Variants in PLCB1 observed in about 807,000 individuals in gnomAD.
PLCB1 encodes 1-phosphatidylinositol 4,5-bisphosphate phosphodiesterase beta-1.
PLCB1 carries 46 observed loss-of-function variants against 161.8 expected under a neutral mutation model. The observed-to-expected ratio is 0.28, with a 90% CI of 0.22 to 0.36. The LOEUF (loss-of-function observed/expected upper bound fraction) is 0.36. Ranked by LOEUF, PLCB1 falls within the 10% of genes least tolerant of loss-of-function variation. The pLI, the probability that PLCB1 is intolerant of heterozygous loss-of-function variation, is 1.00. For missense variants in PLCB1, 1,016 were observed against 1,472.5 expected, an observed-to-expected ratio of 0.69 and a Z score of 5.07; for synonymous variants, 517 against 503.7, an observed-to-expected ratio of 1.03 and a Z score of -0.35.
chr20:8,188,750 A>G (rs1266572682), intron 2 of PLCB1, among the ~76,000 whole-genome samples: 2 of 152,136 alleles, frequency 1.3e-5, no homozygotes, highest in Non-Finnish European at 2.9e-5. Flanking sequence ...TTCTTAGCCA[A>G]TTTTGTTAGG....
chr20:8,623,898 A>C (rs992660185), intron 3 of PLCB1: 2 of 150,378 alleles, frequency 1.3e-5, no homozygotes, highest in African/African-American at 2.4e-5. Context: ...CATATATAAA[A>C]GAAAGAAACC....
chr20:8,217,621 A>G (rs894415486), intron 2 of PLCB1, among the ~76,000 whole-genome samples: 1 of 152,178 alleles, frequency 6.6e-6, no homozygotes, highest in African/African-American at 2.4e-5. Context: ...AGGATGATGC[A>G]TAGAGCTGAA....
chr20:8,461,894 A>T (rs1981593546), intron 3 of PLCB1, among the ~76,000 whole-genome samples: 1 of 152,030 alleles, frequency 6.6e-6, no homozygotes, highest in African/African-American at 2.4e-5. Flanking sequence ...AAATTTCATA[A>T]CTCTATCTCA....
intron 31 of PLCB1, among the ~76,000 whole-genome samples, chr20:8,833,744 C>T (rs1298101716): frequency 6.6e-6 from 1 of 152,178 alleles, no homozygotes; most frequent in African/African-American, 2.4e-5. Context: ...TTGTTTTAAG[C>T]CACTCAATTT....
chr20:8,621,104 C>T (rs1056257963), intron 3 of PLCB1, among the ~76,000 whole-genome samples: 5 of 152,094 alleles, frequency 3.3e-5, no homozygotes, highest in South Asian at 2.1e-4. Flanking sequence ...AACAAACAGG[C>T]GTCATTATGA....
At chr20:8,468,946 G>A (rs991367379) in intron 3 of PLCB1, among the ~76,000 whole-genome samples, 5 of 152,038 alleles carry the variant, frequency 3.3e-5, no homozygotes, top group Admixed American at 1.3e-4. Context: ...TCTTCAAACG[G>A]AAGGGTACAT....
chr20:8,278,203 G>A (rs952067264), intron 2 of PLCB1, among the ~76,000 whole-genome samples: 2 of 116,430 alleles, frequency 1.7e-5, no homozygotes, highest in African/African-American at 7.0e-5. Context: ...ACAAAAGCAA[G>A]GTGCAGAAAA....
At chr20:8,189,348 A>G (rs1237629035) in intron 2 of PLCB1, among the ~76,000 whole-genome samples, 1 of 140,682 alleles carries the variant, frequency 7.1e-6, no homozygotes, top group African/African-American at 2.6e-5. Flanking sequence ...TATAAAACAT[A>G]ATATCATGTT....
chr20:8,797,018 T>C (rs1252301618), intron 31 of PLCB1, among the ~76,000 whole-genome samples: 1 of 152,174 alleles, frequency 6.6e-6, no homozygotes, highest in Non-Finnish European at 1.5e-5. Context: ...TGTGCAGAAA[T>C]GTCTTTGTTT....
chr20:8,577,652 TA>T (rs1370149923), intron 3 of PLCB1, among the ~76,000 whole-genome samples: 1 of 152,178 alleles, frequency 6.6e-6, no homozygotes, highest in African/African-American at 2.4e-5. Flanking sequence ...AAACATGTTT[TA>T]AAATAAATTT....
intron 2 of PLCB1, among the ~76,000 whole-genome samples, chr20:8,264,249 C>T (rs1981842738): frequency 6.6e-6 from 1 of 152,082 alleles, no homozygotes; most frequent in Non-Finnish European, 1.5e-5. Context: ...CTTCCACTTC[C>T]ACATCTTGTC....
intron 3 of PLCB1, 172 bp downstream of exon 3, chr20:8,371,622 A>G (rs1986906225): frequency 4.1e-6 from 2 of 487,506 alleles, no homozygotes; most frequent in South Asian, 7.7e-5. Flanking sequence ...AACAATGAAC[A>G]AATATGTGGG....
intron 3 of PLCB1, among the ~76,000 whole-genome samples, chr20:8,430,119 G>T (rs1258871231): frequency 2.0e-5 from 3 of 151,976 alleles, no homozygotes; most frequent in Non-Finnish European, 4.4e-5. Context: ...TTTACACTGT[G>T]ACTGGGTGTG....
Position 8,700,378 on chromosome 20 carries a change from T to C in PLCB1, c.1167+2595T>C, listed in dbSNP as rs534182302. 6.5e-4 allele frequency among the ~76,000 whole-genome samples: 99 copies of C among 152,350 alleles called. No homozygotes were observed. In the Middle Eastern group the frequency reaches 0.014, roughly 21 times the overall value. On this transcript the variant is annotated intron_variant, in intron 11 of 31. Transcript: ENST00000338037. Reference sequence around the variant, plus strand: ...AAGCACATCCTAAGGCATATTTATTTTATGTGGAGCATTTGCTTCTTGGCC... The same window carrying C: ...AAGCACATCCTAAGGCATATTTATTCTATGTGGAGCATTTGCTTCTTGGCC...
At chr20:8,579,327 G>A (rs181384262) in intron 3 of PLCB1, among the ~76,000 whole-genome samples, 1 of 152,332 alleles carries the variant, frequency 6.6e-6, no homozygotes, top group Admixed American at 6.5e-5. Flanking sequence ...GGCTAGAGCT[G>A]AGTATCCACA....
At chr20:8,689,627 A>C in intron 10 of PLCB1, among the ~76,000 whole-genome samples, 1 of 152,146 alleles carries the variant, frequency 6.6e-6, no homozygotes, top group East Asian at 1.9e-4. Flanking sequence ...GTATTAAGAA[A>C]ATTTTCAATA....
At chr20:8,744,666 A>AATAAAATAAAAT (rs1432172231) in intron 23 of PLCB1, among the ~76,000 whole-genome samples, 7 of 150,020 alleles carry the variant, frequency 4.7e-5, no homozygotes, top group African/African-American at 1.8e-4. Context: ...AAAAAAATAA[A>AATAAAATAAAAT]ATTGTTTGTA....
intron 26 of PLCB1, among the ~76,000 whole-genome samples, chr20:8,774,245 T>C (rs757589622): frequency 2.1e-5 from 3 of 140,026 alleles, no homozygotes; most frequent in Admixed American, 7.1e-5. Context: ...ACACTGTTTT[T>C]CCCAAACGGA....
chr20:8,306,258 T>G (rs958901003), intron 2 of PLCB1: 3 of 152,144 alleles, frequency 2.0e-5, no homozygotes, highest in African/African-American at 7.2e-5. Context: ...GAGCAAAGAC[T>G]CAGTGTCTCA....
Sources: gnomAD v4.1 joint callset for allele counts (sites outside exome capture counted in the v4.1 genomes callset) on GRCh38, gnomAD v4.1.1 for gene constraint, MANE v1.5 for transcripts, NCBI Gene and HGNC (gene_info 2026-07-23, HGNC 2026-07-21) for gene names.